Variants in SH2B2 observed in about 807,000 individuals in gnomAD.
The protein encoded by SH2B2 is SH2B adapter protein 2.
A neutral mutation model predicts 35.7 loss-of-function variants in SH2B2; 37 were observed. The observed-to-expected ratio is 1.04, with a 90% CI of 0.80 to 1.36. The LOEUF (loss-of-function observed/expected upper bound fraction) is 1.36. SH2B2 is among the 40% of genes most tolerant of loss of function. The pLI, the probability that SH2B2 is intolerant of heterozygous loss-of-function variation, is 0.00. For synonymous variants in SH2B2, 383 were observed against 376.4 expected, an observed-to-expected ratio of 1.02 and a Z score of -0.20; for missense variants, 852 against 817.7, an observed-to-expected ratio of 1.04 and a Z score of -0.51.
At chr7:102,321,126 G>A (rs1586611250) in intron 8 of SH2B2, among the ~76,000 whole-genome samples, 173 bp from the exon 9 acceptor site, 1 of 152,340 alleles carries the variant, frequency 6.6e-6, no homozygotes, top group East Asian at 1.9e-4. Context: ...ACATGTATGT[G>A]TGTGTGCTTC....
chr7:102,290,228 G>A (rs1381843192), intron 1 of SH2B2, among the ~76,000 whole-genome samples: 4 of 135,824 alleles, frequency 2.9e-5, no homozygotes, highest in Non-Finnish European at 6.2e-5. Flanking sequence ...CTGGAACTTG[G>A]CTCCATACCC....
rs1272930588 is a variant in SH2B2, at chr7:102,286,886, G to T, written c.-238G>T. Reference sequence around the variant, plus strand: ...GAGGGGCGCGCCGCGCTGGGGCTGGGCTTGGAGCGCGCGGAGCTCGGCTGC... The same window carrying T: ...GAGGGGCGCGCCGCGCTGGGGCTGGTCTTGGAGCGCGCGGAGCTCGGCTGC... On this transcript the variant is annotated 5_prime_UTR_variant, in exon 1 of 9. Transcript: ENST00000444095. The T allele has an allele frequency of 1.4e-5, 2 of 146,308 alleles. No homozygotes were observed. The highest frequency in any genetic ancestry group is 3.0e-5 in the Non-Finnish European group (2 of 66,050). 9.1% of individuals were successfully genotyped at this position (146,308 alleles called of 1,614,324 possible).
chr7:102,300,785 CG>C lies in SH2B2; in HGVS notation c.236del (p.Arg79ProfsTer14). The C allele has an allele frequency of 6.6e-7, 1 of 1,517,502 alleles. No individual in the cohort carries two copies. The highest frequency in any genetic ancestry group is 8.9e-7 in the Non-Finnish European group (1 of 1,127,506). The allele number at this position is 1,517,502 out of a possible 1,614,324, so 94.0% of individuals were successfully genotyped here. A position where few individuals can be genotyped will look rare whatever the true frequency, so the allele number is the denominator to read the frequency against. ...GGACGTCTTCGGCGAGGAGGTGCGCCGCGTGCTGGTGGCTGGGCCGACGACT... is the reference window on the plus strand; with the variant it reads ...GGACGTCTTCGGCGAGGAGGTGCGCCCGTGCTGGTGGCTGGGCCGACGACT... Reference protein sequence around the residue: ...FLDVFGEEVRRVLVAGPTTRG... With the variant: ...FLDVFGEEVRXVLVAGPTTRG... On this transcript the variant is annotated frameshift_variant, in exon 2 of 9. Coordinates refer to ENST00000444095, the MANE Select transcript of SH2B2 (RefSeq NM_001359228.2). LOFTEE classifies it high-confidence loss of function.
Position 102,300,794 on chromosome 7 carries a change from G to A in SH2B2, c.244G>A (p.Val82Met). The A allele has an allele frequency of 2.7e-6, 4 of 1,505,344 alleles. No homozygotes were observed. In the South Asian group the frequency reaches 5.0e-5, roughly 19 times the overall value. The allele number at this position is 1,505,344 out of a possible 1,614,324, so 93.2% of individuals were successfully genotyped here. ...CGGCGAGGAGGTGCGCCGCGTGCTG[G>A]TGGCTGGGCCGACGACTCGGGGCGC... ...VFGEEVRRVL[V>M]AGPTTRGAAV... is the part of the protein sequence containing the mutation. The change falls in exon 2 of 9, where the codon GTG becomes ATG. Residue 82 changes from valine to methionine, a missense_variant. Coordinates refer to ENST00000444095, the MANE Select transcript of SH2B2 (RefSeq NM_001359228.2).
chr7:102,290,641 G>A (rs1940008389), intron 1 of SH2B2, among the ~76,000 whole-genome samples: 1 of 152,184 alleles, frequency 6.6e-6, no homozygotes, highest in African/African-American at 2.4e-5. Flanking sequence ...CCACTGCGTG[G>A]TGGCCAGAGC....
rs554515829 is a variant in SH2B2, at chr7:102,289,913, C to G, written c.-30+2819C>G. On this transcript the variant is annotated intron_variant, in intron 1 of 8. Transcript: ENST00000444095. ...CCAGTGCAGCTGGAACCAGCTCAGCCTGTCCTCCACCTGCAGAGCCCATCC... is the reference window on the plus strand; with the variant it reads ...CCAGTGCAGCTGGAACCAGCTCAGCGTGTCCTCCACCTGCAGAGCCCATCC... Among the ~76,000 whole-genome samples the G allele has an allele frequency of 2.0e-5, 3 of 152,258 alleles. No individual in the cohort carries two copies. The East Asian group carries it at 5.8e-4, about 29-fold the overall frequency.
intron 2 of SH2B2, 37 bp downstream of exon 2, chr7:102,301,316 C>T (rs375947472): frequency 6.4e-7 from 1 of 1,569,390 alleles, no homozygotes; most frequent in Non-Finnish European, 8.6e-7. Context: ...CCTGGGGGGA[C>T]CAGAGGAGGC....
At chr7:102,306,573 C>G in intron 2 of SH2B2, 148 bp from the exon 3 acceptor site, 1 of 641,038 alleles carries the variant, frequency 1.6e-6, no homozygotes, top group African/African-American at 1.8e-5. Flanking sequence ...CAGCTTCCCC[C>G]TCTGTGAAAT....
Position 102,317,107 on chromosome 7 carries a change from T to C in SH2B2, c.1187-80T>C, listed in dbSNP as rs116333997. The C allele has an allele frequency of 4.5e-3, 5,223 of 1,156,254 alleles. 167 individuals carry two copies. The African/African-American group carries it at 0.071, about 16-fold the overall frequency. 71.6% of individuals were successfully genotyped at this position (1,156,254 alleles called of 1,614,324 possible). On this transcript the variant is annotated intron_variant, in intron 6 of 8. Transcript: ENST00000444095. ...TGCATGTAAAAAAACCAACAAGACG[T>C]CACCTCTCTTCTCACATTTATTTAT...
At chr7:102,308,953 C>A in intron 4 of SH2B2, 47 bp downstream of exon 4, 1 of 1,463,208 alleles carries the variant, frequency 6.8e-7, no homozygotes, top group Non-Finnish European at 9.6e-7. Flanking sequence ...CTGGGTATAT[C>A]CTTGGTCCAG....
chr7:102,289,373 C>G (rs56743788), intron 1 of SH2B2, among the ~76,000 whole-genome samples: 1 of 151,944 alleles, frequency 6.6e-6, no homozygotes, highest in South Asian at 2.1e-4. Context: ...GATCAAGGGG[C>G]GTTCCCGAGG....
At chr7:102,286,417 C>A (rs1792447746), upstream of SH2B2, among the ~76,000 whole-genome samples, 1 of 152,248 alleles carries the variant, frequency 6.6e-6, no homozygotes, top group Non-Finnish European at 1.5e-5. Flanking sequence ...AAGCACCCGT[C>A]AGCGAGGGGC....
At position 102,320,390 on chromosome 7, in the gene SH2B2, G is replaced by A. The variant is rs1554558135; in HGVS notation, c.1455G>A (p.Gln485=). 1.2e-6 allele frequency: 2 copies of A among 1,613,416 alleles called. No homozygotes were observed. Among genetic ancestry groups the A allele is most frequent in the South Asian group, 1.1e-5 (1 of 91,084 alleles). The part of the protein sequence containing the change: ...GQCHVQHLWF[Q]SVLDMLRHFH... ...GTCACGTACAGCATCTGTGGTTCCA[G>A]TCTGTGCTTGACATGCTCCGCCACT... Residue 485 remains glutamine (Q), a synonymous_variant, in exon 8 of 9, where the codon CAG becomes CAA. Transcript: ENST00000444095.
In SH2B2 at chr7:102,286,905, C is replaced by T. The variant is rs868939807; in HGVS notation, c.-219C>T. ...GGCTGGGCTTGGAGCGCGCGGAGCTCGGCTGCCAGAGAGCCGCGCGGGGGA... is the reference window on the plus strand; with the variant it reads ...GGCTGGGCTTGGAGCGCGCGGAGCTTGGCTGCCAGAGAGCCGCGCGGGGGA... On this transcript the variant is annotated 5_prime_UTR_variant, in exon 1 of 9. Transcript: ENST00000444095. 1.8e-3 allele frequency: 269 copies of T among 147,304 alleles called. 2 individuals carry two copies. The highest frequency in any genetic ancestry group is 6.5e-3 in the African/African-American group (263 of 40,504). 9.1% of individuals were successfully genotyped at this position (147,304 alleles called of 1,614,324 possible).
Position 102,286,986 on chromosome 7 carries a change from G to T in SH2B2, c.-138G>T, listed in dbSNP as rs1792480518. ...TTCGAGGCGGTGAACGAGGGAGGGA[G>T]CCCAGTCCGCCGCGGGCCATGAGCC... On this transcript the variant is annotated 5_prime_UTR_variant, in exon 1 of 9. Coordinates refer to ENST00000444095, the MANE Select transcript of SH2B2 (RefSeq NM_001359228.2). 1 of 150,738 alleles carries T rather than the reference G, an allele frequency of 6.6e-6. No individual in the cohort carries two copies. The highest frequency in any genetic ancestry group is 6.6e-5 in the Admixed American group (1 of 15,158). 9.3% of individuals were successfully genotyped at this position (150,738 alleles called of 1,614,324 possible).
In SH2B2 at chr7:102,300,734, T is replaced by A. The variant is rs782333831; in HGVS notation, c.184T>A (p.Ser62Thr). 3 of 1,522,396 alleles carry A rather than the reference T, an allele frequency of 2.0e-6. No individual in the cohort carries two copies. Among genetic ancestry groups the A allele is most frequent in the Non-Finnish European group, 2.7e-6 (3 of 1,131,580 alleles). 94.3% of individuals were successfully genotyped at this position (1,522,396 alleles called of 1,614,324 possible). The stretch of plus-strand genomic sequence containing the variant: ...CACGCCCGACGCCGGCGCCTCCTTC[T>A]CCCGCCACTTCGCCGCCAACTTCCT... ...YDTPDAGASF[S>T]RHFAANFLDV... Residue 62 changes from serine (S) to threonine (T), a missense_variant, in exon 2 of 9, where the codon TCC becomes ACC. By Grantham distance (58) the Ser-to-Thr change is moderately conservative. Transcript: ENST00000444095.
Position 102,300,983 on chromosome 7 carries a change from G to C in SH2B2, c.433G>C (p.Val145Leu), listed in dbSNP as rs1554553680. Residue 145 changes from valine to leucine, a missense_variant, in exon 2 of 9, where the codon GTG becomes CTG. This residue lies in a region of SH2B2 where 294 missense variants were observed against 286.6 expected (regional missense o/e 1.03). Coordinates refer to ENST00000444095, the MANE Select transcript of SH2B2 (RefSeq NM_001359228.2). ...GCTGCGCAACATGAGCCTGTGCGTG[G>C]TGGACGGCGTGCGCGACATGTGGCA... ...FSLRNMSLCV[V>L]DGVRDMWHRR... 55 of 1,455,732 alleles carry C rather than the reference G, an allele frequency of 3.8e-5. No individual in the cohort carries two copies. The highest frequency in any genetic ancestry group is 5.0e-5 in the Non-Finnish European group (55 of 1,106,302). The allele number at this position is 1,455,732 out of a possible 1,614,324, so 90.2% of individuals were successfully genotyped here.
intron 3 of SH2B2, among the ~76,000 whole-genome samples, chr7:102,308,216 C>A (rs1364198352): frequency 1.3e-5 from 2 of 152,212 alleles, no homozygotes; most frequent in African/African-American, 4.8e-5. Context: ...GAACCTTGGT[C>A]TTCTCATCTA....
intron 2 of SH2B2, among the ~76,000 whole-genome samples, chr7:102,305,279 A>T (rs1433025043): frequency 1.3e-5 from 2 of 151,280 alleles, no homozygotes; most frequent in East Asian, 1.9e-4. Flanking sequence ...TTTATTTTAT[A>T]TTTTGAGACA....
Sources: allele counts gnomAD v4.1 joint callset (sites outside exome capture counted in the v4.1 genomes callset), GRCh38; gene constraint gnomAD v4.1.1; regional missense constraint gnomAD v4.1.1; transcripts MANE v1.5; gene names NCBI Gene and HGNC (gene_info 2026-07-23, HGNC 2026-07-21).